The following GATAD2B variants were observed in gnomAD, a reference collection of about 807,000 sequenced individuals.
GATAD2B encodes GATA zinc finger domain containing 2B.
In GATAD2B, 8 loss-of-function variants were observed where a neutral mutation model predicts 64.3. The ratio of observed to expected loss-of-function variants is 0.12; its 90% confidence interval spans 0.07 to 0.22. The LOEUF (loss-of-function observed/expected upper bound fraction) is 0.22. Among genes scored for constraint, GATAD2B ranks in the 10% least tolerant of loss-of-function variants. GATAD2B has a pLI of 1.00. For missense variants in GATAD2B, 453 were observed against 752.0 expected, an observed-to-expected ratio of 0.60 and a Z score of 4.65; for synonymous variants, 281 against 271.3, an observed-to-expected ratio of 1.04 and a Z score of -0.35.
At chr1:153,855,687 T>C (rs199652454) in intron 1 of GATAD2B, among the ~76,000 whole-genome samples, 1 of 152,198 alleles carries the variant, frequency 6.6e-6, no homozygotes, top group Admixed American at 6.6e-5. Flanking sequence ...TTATATATTT[T>C]TTTTTTACAC....
At chr1:153,826,810 G>C (rs1674893881) in intron 2 of GATAD2B, among the ~76,000 whole-genome samples, 1 of 151,900 alleles carries the variant, frequency 6.6e-6, no homozygotes, top group African/African-American at 2.4e-5. Context: ...GTGTGATGAT[G>C]CACACCTGTA....
chr1:153,890,188 A>G (rs997912742), intron 1 of GATAD2B, among the ~76,000 whole-genome samples: 3 of 147,480 alleles, frequency 2.0e-5, no homozygotes, highest in Admixed American at 1.4e-4. Flanking sequence ...AAAAAAAAAG[A>G]AAAAAAAAGA....
chr1:153,893,558 C>T (rs1457388046), intron 1 of GATAD2B, among the ~76,000 whole-genome samples: 3 of 151,444 alleles, frequency 2.0e-5, no homozygotes, highest in Admixed American at 6.6e-5. Flanking sequence ...TGCAGTGAGC[C>T]GAGATCACAA....
At chr1:153,817,920 T>C (rs769819327) in intron 5 of GATAD2B, 120 bp downstream of exon 5, 12 of 800,556 alleles carry the variant, frequency 1.5e-5, no homozygotes, top group Non-Finnish European at 2.3e-5. Context: ...AACAGAACAA[T>C]CAGTAGTAAT....
At chr1:153,811,058 C>T (rs991321684) in intron 10 of GATAD2B, among the ~76,000 whole-genome samples, 5 of 152,236 alleles carry the variant, frequency 3.3e-5, no homozygotes, top group African/African-American at 1.2e-4. Context: ...AGCCACCACG[C>T]CCAGCCAATT....
chr1:153,866,466 C>T (rs1676478604), intron 1 of GATAD2B, among the ~76,000 whole-genome samples: 1 of 152,154 alleles, frequency 6.6e-6, no homozygotes, highest in South Asian at 2.1e-4. Context: ...AAACAAAATG[C>T]ACTTTCAGTT....
chr1:153,911,853 C>T (rs1397380316), intron 1 of GATAD2B, among the ~76,000 whole-genome samples: 1 of 152,172 alleles, frequency 6.6e-6, no homozygotes, highest in Non-Finnish European at 1.5e-5. Context: ...TACCTCCGTG[C>T]ACCATAACAG....
At chr1:153,815,118 A>G (rs1435941734) in intron 7 of GATAD2B, among the ~76,000 whole-genome samples, 1 of 133,988 alleles carries the variant, frequency 7.5e-6, no homozygotes, top group Non-Finnish European at 1.6e-5. Context: ...AAAAACCAAC[A>G]AAGAAAAAAA....
At chr1:153,845,248 C>T (rs547960835) in intron 1 of GATAD2B, among the ~76,000 whole-genome samples, 2 of 152,116 alleles carry the variant, frequency 1.3e-5, no homozygotes, top group African/African-American at 4.8e-5. Flanking sequence ...CTAATATTTA[C>T]GGTCAATTGA....
rs368469689 is a variant in GATAD2B at position 153,828,185 on chromosome 1, C to T, written c.163G>A (p.Ala55Thr). 8 of 1,614,094 alleles carry T rather than the reference C, an allele frequency of 5.0e-6. No individual in the cohort carries two copies. The highest frequency in any genetic ancestry group is 3.3e-4 in the Middle Eastern group (2 of 6,084). ...AACTCATGTGGCACCTCAAGATTTG[C>T]CAAATCCTTCCTTTTGAGCAATGCC... ...MLALLKRKDL[A>T]NLEVPHELPT... The change falls in exon 2 of 11, where the codon GCA (alanine) becomes ACA (threonine). Residue 55 changes from alanine (A) to threonine (T), a missense_variant. Ala to Thr is a moderately conservative substitution (Grantham distance 58, BLOSUM62 0). Around this residue, in one of 2 missense-constraint regions of GATAD2B, gnomAD observed 293 missense variants for 417.2 expected, o/e 0.70. Transcript: ENST00000368655.
At chr1:153,875,679 G>A (rs1676800672) in intron 1 of GATAD2B, among the ~76,000 whole-genome samples, 1 of 80,984 alleles carries the variant, frequency 1.2e-5, no homozygotes, top group Non-Finnish European at 2.5e-5. Flanking sequence ...CACGAGTTTG[G>A]AGGGAAAAAA....
intron 1 of GATAD2B, among the ~76,000 whole-genome samples, chr1:153,882,968 C>T (rs1347717165): frequency 6.6e-6 from 1 of 152,174 alleles, no homozygotes; most frequent in Admixed American, 6.6e-5. Flanking sequence ...GATCTATTGG[C>T]TGAGGACCTT....
chr1:153,912,981 G>A (rs376109261), intron 1 of GATAD2B, among the ~76,000 whole-genome samples: 21 of 152,234 alleles, frequency 1.4e-4, no homozygotes, highest in East Asian at 5.8e-4. Flanking sequence ...CCAGCTATAC[G>A]GGAGACTGAG....
intron 1 of GATAD2B, among the ~76,000 whole-genome samples, chr1:153,892,830 G>A (rs1009211340): frequency 1.3e-5 from 2 of 151,646 alleles, no homozygotes; most frequent in Non-Finnish European, 2.9e-5. Flanking sequence ...AAGTAGCTGG[G>A]ACTACAGGCA....
At chr1:153,893,973 A>C (rs1038614000) in intron 1 of GATAD2B, among the ~76,000 whole-genome samples, 5 of 151,114 alleles carry the variant, frequency 3.3e-5, no homozygotes, top group Non-Finnish European at 7.4e-5. Flanking sequence ...AAAAAAAAAA[A>C]AAAAAAAAAC....
chr1:153,828,131 T>C lies in GATAD2B; in HGVS notation c.217A>G (p.Lys73Glu). Residue 73 changes from lysine to glutamate, a missense_variant, in exon 2 of 11, where the codon AAG becomes GAG. By Grantham distance (56) the Lys-to-Glu change is moderately conservative (BLOSUM62 1). Transcript: ENST00000368655. The stretch of plus-strand genomic sequence containing the variant: ...CCGTTAAGTTTTTCTTCATAGCCCT[T>C]GACACCACTGCCATCCTGTTTGGTG... ...LPTKQDGSGV[K>E]GYEEKLNGNL... is the part of the protein sequence containing the mutation. 6.2e-7 allele frequency: 1 copy of C among 1,614,188 alleles called. No individual in the cohort carries two copies. The highest frequency in any genetic ancestry group is 8.5e-7 in the Non-Finnish European group (1 of 1,180,030).
At chr1:153,853,256 C>CCCTT in intron 1 of GATAD2B, 1 of 993,246 alleles carries the variant, frequency 1.0e-6, no homozygotes, top group East Asian at 2.4e-5. Context: ...GGTCTTCACA[C>CCCTT]CCTTCCCTGC....
chr1:153,834,888 G>GC (rs2101896814), intron 1 of GATAD2B, among the ~76,000 whole-genome samples: 1 of 152,110 alleles, frequency 6.6e-6, no homozygotes, highest in African/African-American at 2.4e-5. Flanking sequence ...GGGAGGCTGA[G>GC]ACAGGAGGAT....
At chr1:153,856,150 C>G (rs888482323) in intron 1 of GATAD2B, among the ~76,000 whole-genome samples, 1 of 152,182 alleles carries the variant, frequency 6.6e-6, no homozygotes, top group Non-Finnish European at 1.5e-5. Flanking sequence ...CCTTTAGGAC[C>G]CTTATGATTA....
Sources: gnomAD v4.1 joint callset for allele counts (sites outside exome capture counted in the v4.1 genomes callset) on GRCh38, gnomAD v4.1.1 for gene constraint, gnomAD v4.1.1 regional missense constraint, MANE v1.5 for transcripts, NCBI Gene and HGNC (gene_info 2026-07-23, HGNC 2026-07-21) for gene names.